NLRP7: variants seen among roughly 807,000 people sequenced by gnomAD.
NLRP7 encodes NLR family pyrin domain containing 7.
Under a neutral mutation model 85.5 loss-of-function variants are expected in NLRP7, and 72 were observed. The ratio of observed to expected loss-of-function variants is 0.84; its 90% CI spans 0.70 to 1.02. The LOEUF is 1.02. Among genes scored for constraint, NLRP7 ranks in the 50% least tolerant of loss-of-function variants. The pLI, the probability that NLRP7 is intolerant of heterozygous loss-of-function variation, is 0.00. For missense variants in NLRP7, 1,243 were observed against 1,219.5 expected (o/e 1.02, Z -0.29); for synonymous variants, 550 against 505.2 (o/e 1.09, Z -1.19).
chr19:54,962,433 A>G (rs2070076504), intron 1 of NLRP7, among the ~76,000 whole-genome samples: 2 of 150,572 alleles, frequency 1.3e-5, no homozygotes, highest in South Asian at 4.3e-4. Context: ...ACGCCTGGCT[A>G]ATTTTTTGTG....
At chr19:54,926,915 TTA>T (rs1491468574) in intron 9 of NLRP7, among the ~76,000 whole-genome samples, 28 of 130,884 alleles carry the variant, frequency 2.1e-4, no homozygotes, top group Admixed American at 8.7e-4. Context: ...GACTCTGTCT[TTA>T]AAAAAAAAAA....
At chr19:54,941,182 C>T (rs2069203518) in intron 2 of NLRP7, among the ~76,000 whole-genome samples, 177 bp from the exon 3 acceptor site, 1 of 146,592 alleles carries the variant, frequency 6.8e-6, no homozygotes, top group Non-Finnish European at 1.5e-5. Context: ...GCCAACATGG[C>T]AAAACCCCAT....
chr19:54,955,013 C>T (rs939603735), intron 1 of NLRP7, among the ~76,000 whole-genome samples: 3 of 151,600 alleles, frequency 2.0e-5, no homozygotes, highest in Non-Finnish European at 4.4e-5. Context: ...ATGCCCAGCT[C>T]GTCCTTACTT....
At chr19:54,925,241 T>G (rs1029353624) in intron 9 of NLRP7, among the ~76,000 whole-genome samples, 2 of 152,130 alleles carry the variant, frequency 1.3e-5, no homozygotes, top group Non-Finnish European at 2.9e-5. Context: ...GGCTAGAGAT[T>G]TGTCACCAAT....
chr19:54,924,723 G>T (rs552166660), intron 9 of NLRP7, among the ~76,000 whole-genome samples: 33 of 152,170 alleles, frequency 2.2e-4, no homozygotes, highest in Non-Finnish European at 5.9e-5. Context: ...ATCACCTGAG[G>T]TCAGGAATTC....
exon 4 of NLRP7, chr19:54,939,085 A>T (rs994651872): frequency 1.2e-6 from 2 of 1,614,176 alleles, no homozygotes; most frequent in Non-Finnish European, 1.7e-6. Flanking sequence ...CCTCCTCCTG[A>T]GACTCATACA....
At chr19:54,957,016 T>G (rs1027240271) in intron 1 of NLRP7, among the ~76,000 whole-genome samples, 13 of 151,526 alleles carry the variant, frequency 8.6e-5, no homozygotes, top group African/African-American at 1.9e-4. Context: ...ATGTATTTAT[T>G]TATTTATTTA....
At chr19:54,947,792 G>C, upstream of NLRP7, 1 of 488,070 alleles carries the variant, frequency 2.0e-6, no homozygotes, top group Non-Finnish European at 3.6e-6. Context: ...ATAGGCGACA[G>C]AACAGGAAAT....
chr19:54,963,949 C>T (rs1211796060), intron 1 of NLRP7, among the ~76,000 whole-genome samples: 1 of 149,228 alleles, frequency 6.7e-6, no homozygotes, highest in African/African-American at 2.5e-5. Flanking sequence ...GGTGCGGTCT[C>T]GGCTCACTGC....
At chr19:54,957,803 C>G (rs1031506347) in intron 1 of NLRP7, among the ~76,000 whole-genome samples, 12 of 152,124 alleles carry the variant, frequency 7.9e-5, no homozygotes, top group African/African-American at 2.9e-4. Context: ...ATAGCCCATC[C>G]AAAGAACCTA....
intron 1 of NLRP7, among the ~76,000 whole-genome samples, chr19:54,945,620 ATG>A (rs1436375718): frequency 5.3e-5 from 8 of 150,524 alleles, no homozygotes; most frequent in Non-Finnish European, 7.4e-5. Flanking sequence ...TTTTTTTGAG[ATG>A]GAGTCTCCCT....
chr19:54,930,459 C>T (rs775625439), intron 9 of NLRP7, 40 bp downstream of exon 9: 1 of 1,454,186 alleles, frequency 6.9e-7, no homozygotes, highest in South Asian at 1.1e-5. Context: ...AAGACCCTGT[C>T]TCAAAAAAAG....
Position 54,934,099 on chromosome 19 carries a change from C to G in NLRP7, c.2472-360G>C, listed in dbSNP as rs1326944414. Among the ~76,000 whole-genome samples, 1 of 152,152 alleles carries G rather than the reference C, an allele frequency of 6.6e-6. No individual in the cohort carries two copies. The highest frequency in any genetic ancestry group is 1.5e-5 in the Non-Finnish European group (1 of 68,022). On this transcript the variant is annotated intron_variant, in intron 7 of 9. Transcript: ENST00000340844. This position sits in a 1 kb window ranked among gnomAD's most constrained non-coding sequence, Gnocchi z 6.7. ...GCTGGGACTACAGGCGCCCACCACA[C>G]CTGGATAATTTTTTGTATTTTTTAG...
intron 3 of NLRP7, 62 bp from the exon 4 acceptor site, chr19:54,940,528 C>G (rs2069178418): frequency 6.3e-7 from 1 of 1,582,546 alleles, no homozygotes; most frequent in Non-Finnish European, 8.6e-7. Flanking sequence ...ATTATTTTGT[C>G]AAGTACCAGA....
At chr19:54,956,382 G>T (rs2069853992) in intron 1 of NLRP7, among the ~76,000 whole-genome samples, 2 of 151,758 alleles carry the variant, frequency 1.3e-5, no homozygotes, top group African/African-American at 4.8e-5. Context: ...AGTATTCTGT[G>T]TTGAGTGTGA....
intron 1 of NLRP7, among the ~76,000 whole-genome samples, chr19:54,944,265 T>C (rs987116921): frequency 6.7e-6 from 1 of 149,952 alleles, no homozygotes; most frequent in African/African-American, 2.5e-5. Flanking sequence ...AACCCGATGG[T>C]ATGTTCCATC....
At chr19:54,957,645 C>T (rs2069902657) in intron 1 of NLRP7, among the ~76,000 whole-genome samples, 1 of 152,064 alleles carries the variant, frequency 6.6e-6, no homozygotes, top group Non-Finnish European at 1.5e-5. Flanking sequence ...GCACCCTACA[C>T]TCTTATACTC....
At chr19:54,939,195 T>G (rs755000426) in exon 4 of NLRP7, 12 of 1,614,236 alleles carry the variant, frequency 7.4e-6, no homozygotes, top group Non-Finnish European at 9.3e-6. Context: ...TCCGGTGACA[T>G]CCGGCAGCCA....
At chr19:54,936,509 G>A in intron 5 of NLRP7, 78 bp from the exon 6 acceptor site, 1 of 1,266,120 alleles carries the variant, frequency 7.9e-7, no homozygotes, top group South Asian at 1.2e-5. Context: ...ACAAAAAGCT[G>A]TTTCACATTT....
Sources: gnomAD v4.1 joint callset for allele counts (sites outside exome capture counted in the v4.1 genomes callset) on GRCh38, gnomAD v4.1.1 for gene constraint, Gnocchi (gnomAD v3.1) non-coding constraint, MANE v1.5 for transcripts, NCBI Gene and HGNC (gene_info 2026-07-23, HGNC 2026-07-21) for gene names.